Variants in NFIX observed in about 807,000 individuals in gnomAD.
The protein encoded by NFIX is nuclear factor I X, also known as nuclear factor 1 X-type.
NFIX carries 2 observed loss-of-function variants against 53.3 expected under a neutral mutation model. That is an observed-to-expected ratio of 0.04 (90% CI 0.02 to 0.12). The LOEUF is 0.12. Ranked by LOEUF, NFIX falls within the 10% of genes least tolerant of loss-of-function variation. The pLI is 1.00. For missense variants in NFIX, 310 were observed against 674.5 expected (o/e 0.46, Z 5.99); for synonymous variants, 244 against 289.0 (o/e 0.84, Z 1.58).
intron 2 of NFIX, among the ~76,000 whole-genome samples, chr19:13,031,958 T>C (rs371227720): frequency 3.3e-5 from 5 of 151,650 alleles, no homozygotes; most frequent in African/African-American, 1.2e-4. Context: ...CTCTTTGCCC[T>C]GTCCGTCCCA....
rs867361685 is a variant in NFIX at position 13,074,631 on chromosome 19, G to A, written c.818+605G>A. On this transcript the variant is annotated intron_variant, in intron 5 of 10. Transcript: ENST00000592199. ...GCCTGGAGGGTGGGGTGGATGGAGA[G>A]GGAGGGAGCTGCTTGGGAGGCAGGG... is the stretch of plus-strand genomic sequence containing the variant. 7.2e-5 allele frequency among the ~76,000 whole-genome samples: 11 copies of A among 152,112 alleles called. No homozygotes were observed. In the South Asian group the frequency reaches 8.3e-4, roughly 11 times the overall value.
intron 2 of NFIX, among the ~76,000 whole-genome samples, chr19:13,041,648 G>A (rs929237219): frequency 2.0e-5 from 3 of 151,906 alleles, no homozygotes; most frequent in Non-Finnish European, 4.4e-5. Context: ...TACAAAATTA[G>A]CCAGGCATGG....
intron 2 of NFIX, among the ~76,000 whole-genome samples, chr19:13,071,941 G>A (rs2016799408): frequency 6.6e-6 from 1 of 152,220 alleles, no homozygotes; most frequent in South Asian, 2.1e-4. Context: ...CCTCCTTTAT[G>A]GTGGGGGCCA....
At chr19:13,085,069 C>CAAAA (rs555726363) in intron 8 of NFIX, among the ~76,000 whole-genome samples, 1 of 54,924 alleles carries the variant, frequency 1.8e-5, no homozygotes. Flanking sequence ...GACTCCATCT[C>CAAAA]AAAAAAAAAA....
chr19:13,054,228 G>A (rs961627680), intron 2 of NFIX, among the ~76,000 whole-genome samples: 10 of 152,180 alleles, frequency 6.6e-5, no homozygotes, highest in African/African-American at 2.2e-4. Flanking sequence ...GGGACAAGTG[G>A]AGGTTCAACT....
intron 8 of NFIX, among the ~76,000 whole-genome samples, chr19:13,086,117 C>G (rs1221631869): frequency 6.6e-6 from 1 of 152,232 alleles, no homozygotes; most frequent in Non-Finnish European, 1.5e-5. Flanking sequence ...AGCAAGCCAG[C>G]GTGCAGTCCT....
intron 1 of NFIX, among the ~76,000 whole-genome samples, chr19:13,020,931 G>A (rs976231251): frequency 2.0e-5 from 3 of 152,034 alleles, no homozygotes; most frequent in Admixed American, 2.0e-4. Flanking sequence ...AACCCATGTC[G>A]AGCATGTCTC....
intron 2 of NFIX, among the ~76,000 whole-genome samples, chr19:13,029,467 A>G (rs2013626953): frequency 6.6e-6 from 1 of 151,996 alleles, no homozygotes; most frequent in African/African-American, 2.4e-5. Flanking sequence ...GTCTCAAAAG[A>G]CTCATCATAA....
chr19:13,019,783 T>C (rs1318588031), intron 1 of NFIX, among the ~76,000 whole-genome samples: 1 of 151,544 alleles, frequency 6.6e-6, no homozygotes, highest in Admixed American at 6.6e-5. Context: ...ACAGAGGCTT[T>C]TCTTCCATAA....
chr19:13,001,781 C>A lies in NFIX; in HGVS notation c.27+5917C>A, dbSNP rs117984407. Among the ~76,000 whole-genome samples, 1 of 152,206 alleles carries A rather than the reference C, an allele frequency of 6.6e-6. No homozygotes were observed. Among genetic ancestry groups the A allele is most frequent in the Non-Finnish European group, 1.5e-5 (1 of 68,040 alleles). ...CTCTCCTGGGCATTCCCTTGGCCTC[C>A]GAGCACCATGTGAGATGCCTGCTAT... On this transcript the variant is annotated intron_variant, in intron 1 of 10. Transcript: ENST00000592199. The surrounding 1 kb of genome is among the most constrained non-coding windows in gnomAD (Gnocchi z 6.5).
intron 1 of NFIX, among the ~76,000 whole-genome samples, chr19:13,023,092 C>CTCTCTCTCTCTCTCTG (rs1315417110): frequency 4.0e-4 from 61 of 150,888 alleles, no homozygotes; most frequent in Non-Finnish European, 8.0e-4. Flanking sequence ...CTCTCTCTCT[C>CTCTCTCTCTCTCTCTG]TCTCTGTCTC....
Position 13,012,816 on chromosome 19 carries a change from T to C in NFIX, c.28-12205T>C, listed in dbSNP as rs2145158042. Among the ~76,000 whole-genome samples the C allele has an allele frequency of 6.6e-6, 1 of 152,272 alleles. No homozygotes were observed. Among genetic ancestry groups the C allele is most frequent in the African/African-American group, 2.4e-5 (1 of 41,548 alleles). On this transcript the variant is annotated intron_variant, in intron 1 of 10. Coordinates refer to ENST00000592199, the MANE Select transcript of NFIX (RefSeq NM_001365902.3). This position sits in a 1 kb window ranked among gnomAD's most constrained non-coding sequence, Gnocchi z 5.0. ...TCGGAGAGGATCTCTCCGCGTCGCA[T>C]AGTGAGCGTCGTCATCTCTAGACTA...
At chr19:13,039,226 C>CACACACA (rs1270901632) in intron 2 of NFIX, among the ~76,000 whole-genome samples, 24 of 143,314 alleles carry the variant, frequency 1.7e-4, no homozygotes, top group African/African-American at 6.1e-4. Context: ...AAACACCCCC[C>CACACACA]CCCACACACA....
Position 12,996,223 on chromosome 19 carries a change from T to A in NFIX, c.27+359T>A, listed in dbSNP as rs1248870938. 6.6e-6 allele frequency among the ~76,000 whole-genome samples: 1 copy of A among 151,822 alleles called. No individual in the cohort carries two copies. The highest frequency in any genetic ancestry group is 6.6e-5 in the Admixed American group (1 of 15,266). ...GCGGGACTCCGGCTGACCTGTGGGC[T>A]ACTGTAGCGCGCACCCGGGCAGCGT... On this transcript the variant is annotated intron_variant, in intron 1 of 10. Coordinates refer to ENST00000592199, the MANE Select transcript of NFIX (RefSeq NM_001365902.3). This position sits in a 1 kb window ranked among gnomAD's most constrained non-coding sequence, Gnocchi z 5.2.
At chr19:13,076,108 A>G (rs1399322052) in intron 6 of NFIX, among the ~76,000 whole-genome samples, 5 of 152,184 alleles carry the variant, frequency 3.3e-5, no homozygotes, top group African/African-American at 1.2e-4. Context: ...CACCTACAAG[A>G]TGCCAGCAGC....
intron 1 of NFIX, 171 bp from the exon 2 acceptor site, chr19:13,024,850 T>C: frequency 7.6e-7 from 1 of 1,319,240 alleles, no homozygotes; most frequent in East Asian, 2.5e-5. Context: ...CACACTTTCG[T>C]AGAACAATCG....
chr19:13,052,821 AG>A lies in NFIX; in HGVS notation c.560-20224del, dbSNP rs2015410177. On this transcript the variant is annotated intron_variant, in intron 2 of 10. Transcript: ENST00000592199. The surrounding 1 kb of genome is among the most constrained non-coding windows in gnomAD (Gnocchi z 5.2). ...ACAGACCAGAGGAGTGAGGATGATG[AG>A]GACAGGGACATTAATCACAGTTCTG... Among the ~76,000 whole-genome samples, 1 of 152,180 alleles carries A rather than the reference AG, an allele frequency of 6.6e-6. No individual in the cohort carries two copies. Among genetic ancestry groups the A allele is most frequent in the Non-Finnish European group, 1.5e-5 (1 of 68,022 alleles).
intron 2 of NFIX, among the ~76,000 whole-genome samples, chr19:13,057,670 A>G (rs1490279879): frequency 1.3e-5 from 2 of 152,198 alleles, no homozygotes; most frequent in Admixed American, 6.5e-5. Flanking sequence ...AGAATGTCAG[A>G]AACTGTCATG....
intron 1 of NFIX, among the ~76,000 whole-genome samples, chr19:13,020,440 C>T (rs897645287): frequency 6.6e-6 from 1 of 152,230 alleles, no homozygotes; most frequent in Admixed American, 6.5e-5. Flanking sequence ...AGAAAGAGAC[C>T]TTCTCATCTC....
Sources: gnomAD v4.1 joint callset for allele counts (sites outside exome capture counted in the v4.1 genomes callset) on GRCh38, gnomAD v4.1.1 for gene constraint, Gnocchi (gnomAD v3.1) non-coding constraint, MANE v1.5 for transcripts, NCBI Gene and HGNC (gene_info 2026-07-23, HGNC 2026-07-21) for gene names.